Variants in HORMAD2 observed in about 807,000 individuals in gnomAD.
The protein encoded by HORMAD2 is HORMA domain-containing protein 2.
A neutral mutation model predicts 38.8 loss-of-function variants in HORMAD2; 45 were observed. The observed-to-expected ratio is 1.16, with a 90% CI of 0.91 to 1.49. HORMAD2 has a LOEUF of 1.49. Among genes scored for constraint, HORMAD2 ranks in the 40% most tolerant of loss-of-function variants. HORMAD2 has a pLI of 0.00. For synonymous variants in HORMAD2, 126 were observed against 122.8 expected (o/e 1.03, Z -0.17); for missense variants, 338 against 367.0 (o/e 0.92, Z 0.65).
At chr22:30,136,530 G>A (rs1326299938) in intron 10 of HORMAD2, 2 of 151,792 alleles carry the variant, frequency 1.3e-5, no homozygotes, top group Non-Finnish European at 1.5e-5. Context: ...CGCCTATTAT[G>A]ATATATTTCA....
the HORMAD2 span, among the ~76,000 whole-genome samples, chr22:30,194,977 G>A: frequency 1.3e-5 from 2 of 152,144 alleles, no homozygotes; most frequent in Non-Finnish European, 2.9e-5. Flanking sequence ...TGGATTATGA[G>A]GTCAGGAGAT....
chr22:30,118,505 G>C (rs1318830971), intron 7 of HORMAD2, among the ~76,000 whole-genome samples: 2 of 152,092 alleles, frequency 1.3e-5, no homozygotes, highest in Admixed American at 6.6e-5. Flanking sequence ...TTACACTATC[G>C]GAATTAGCTT....
Position 30,164,909 on chromosome 22 carries a change from C to A in HORMAD2, c.820-11154C>A, listed in dbSNP as rs113359089. Among the ~76,000 whole-genome samples the A allele has an allele frequency of 1.8e-3, 281 of 152,326 alleles. 1 individual carries two copies. In the Middle Eastern group the frequency reaches 0.027, roughly 15 times the overall value. Reference sequence around the variant, plus strand: ...TTTCTCTCATTCCATGGGTTGCCTTCTTGATAATAGCATCCTTTGATGCAC... The same window carrying A: ...TTTCTCTCATTCCATGGGTTGCCTTATTGATAATAGCATCCTTTGATGCAC... On this transcript the variant is annotated intron_variant, in intron 10 of 10. Transcript: ENST00000336726.
intron 10 of HORMAD2, among the ~76,000 whole-genome samples, chr22:30,148,152 CTAGCAATAA>C (rs1924533738): frequency 6.6e-6 from 1 of 151,874 alleles, no homozygotes; most frequent in African/African-American, 2.4e-5. Flanking sequence ...TGAATTATTA[CTAGCAATAA>C]AAAAGAACAA....
At chr22:30,129,235 AAAAAAAAAAAAAAAAAAAAAAGAGAG>A (rs1265206335) in intron 10 of HORMAD2, among the ~76,000 whole-genome samples, 1 of 105,898 alleles carries the variant, frequency 9.4e-6, no homozygotes, top group Non-Finnish European at 1.8e-5. Context: ...AAAAAAAAAA[AAAAAAAAAAAAAAAAAAAAAAGAGAG>A]AGAGAGAATA....
At chr22:30,104,177 CA>C (rs1921016401) in intron 4 of HORMAD2, among the ~76,000 whole-genome samples, 1 of 151,800 alleles carries the variant, frequency 6.6e-6, no homozygotes. Flanking sequence ...ACATGGGATC[CA>C]AAAAAATTTG....
chr22:30,182,890 A>G, the HORMAD2 span, among the ~76,000 whole-genome samples: 1 of 152,246 alleles, frequency 6.6e-6, no homozygotes, highest in Non-Finnish European at 1.5e-5. Context: ...TTCAAAAGGA[A>G]CAAAAGGATA....
chr22:30,137,657 A>T (rs1427271281), intron 10 of HORMAD2: 2 of 160,810 alleles, frequency 1.2e-5, no homozygotes, highest in Non-Finnish European at 2.7e-5. Flanking sequence ...CCTTTCATAA[A>T]GTGCTTGTTC....
At chr22:30,104,765 T>C (rs999016570) in intron 5 of HORMAD2, among the ~76,000 whole-genome samples, 1 of 152,248 alleles carries the variant, frequency 6.6e-6, no homozygotes, top group Non-Finnish European at 1.5e-5. Context: ...AGAATAGTGG[T>C]GATTCAATTT....
At chr22:30,105,937 G>A (rs530898703) in intron 5 of HORMAD2, among the ~76,000 whole-genome samples, 1 of 152,162 alleles carries the variant, frequency 6.6e-6, no homozygotes, top group Non-Finnish European at 1.5e-5. Context: ...CAGGAGGCCA[G>A]CTCTAGAGCC....
At chr22:30,078,607 C>CAAGAAAAAA (rs2068415568), upstream of HORMAD2, among the ~76,000 whole-genome samples, 1 of 28,102 alleles carries the variant, frequency 3.6e-5, no homozygotes, top group Non-Finnish European at 6.0e-5. Context: ...CTCTGTCTCA[C>CAAGAAAAAA]AAAAAAAAAA....
At chr22:30,192,535 G>A in the HORMAD2 span, among the ~76,000 whole-genome samples, 3 of 152,082 alleles carry the variant, frequency 2.0e-5, no homozygotes, top group African/African-American at 7.2e-5. Flanking sequence ...TTGAATTAAG[G>A]GTTTGCAAAC....
chr22:30,150,466 T>C (rs1428656555), intron 10 of HORMAD2, among the ~76,000 whole-genome samples: 1 of 152,168 alleles, frequency 6.6e-6, no homozygotes, highest in Non-Finnish European at 1.5e-5. Context: ...TGTGTTTGTT[T>C]CTTTTGTTTA....
At chr22:30,113,863 C>T (rs369881368) in intron 7 of HORMAD2, among the ~76,000 whole-genome samples, 123 of 152,258 alleles carry the variant, frequency 8.1e-4, no homozygotes, top group African/African-American at 2.7e-3. Context: ...CGGTAGGTAG[C>T]AATTCCTCAA....
At chr22:30,095,537 T>C (rs2068766662) in intron 2 of HORMAD2, among the ~76,000 whole-genome samples, 1 of 152,190 alleles carries the variant, frequency 6.6e-6, no homozygotes, top group Admixed American at 6.5e-5. Context: ...TCAAAGATTA[T>C]ATTAACTGGT....
chr22:30,132,831 C>A (rs978527152), intron 10 of HORMAD2, among the ~76,000 whole-genome samples: 1 of 151,996 alleles, frequency 6.6e-6, no homozygotes, highest in Non-Finnish European at 1.5e-5. Flanking sequence ...AAGAGCCACA[C>A]TGATTATCTG....
the HORMAD2 span, among the ~76,000 whole-genome samples, chr22:30,193,731 A>G: frequency 3.3e-3 from 497 of 152,344 alleles, 14 homozygotes; most frequent in Admixed American, 0.025. Context: ...CTGTCCTTCC[A>G]TAGCGATAGG....
At chr22:30,180,784 CCTTCCCTTCCCTTTTTCT>C (rs1319199547), downstream of HORMAD2, among the ~76,000 whole-genome samples, 3 of 151,114 alleles carry the variant, frequency 2.0e-5, no homozygotes, top group Non-Finnish European at 4.4e-5. Context: ...CCTTCCTTTC[CCTTCCCTTCCCTTTTTCT>C]CTTCCCTTCT....
intron 3 of HORMAD2, among the ~76,000 whole-genome samples, chr22:30,100,817 C>T (rs1185036517): frequency 6.6e-6 from 1 of 152,028 alleles, no homozygotes; most frequent in Non-Finnish European, 1.5e-5. Flanking sequence ...ATGCAGCCAA[C>T]AAACATATGA....
Sources: allele counts gnomAD v4.1 joint callset (sites outside exome capture counted in the v4.1 genomes callset), GRCh38; gene constraint gnomAD v4.1.1; transcripts MANE v1.5; gene names NCBI Gene and HGNC (gene_info 2026-07-23, HGNC 2026-07-21).